OLFM2: variants seen among roughly 807,000 people sequenced by gnomAD.
OLFM2 encodes the protein olfactomedin 2, also known as noelin-2.
OLFM2 carries 20 observed loss-of-function variants against 43.9 expected under a neutral mutation model. The observed-to-expected ratio is 0.46, with a 90% CI of 0.32 to 0.66. The LOEUF (loss-of-function observed/expected upper bound fraction) is 0.66, where lower values mean the gene tolerates loss of function less well. Ranked by LOEUF, OLFM2 falls within the 30% of genes least tolerant of loss-of-function variation. The pLI, the probability that OLFM2 is intolerant of heterozygous loss-of-function variation, is 0.04. For missense variants in OLFM2, 416 were observed against 643.6 expected (o/e 0.65, Z 3.83); for synonymous variants, 268 against 278.6 (o/e 0.96, Z 0.38).
At chr19:9,864,488 A>G (rs558807621) in intron 1 of OLFM2, among the ~76,000 whole-genome samples, 10 of 152,134 alleles carry the variant, frequency 6.6e-5, no homozygotes, top group African/African-American at 2.2e-4. Context: ...TTTAGTAGAG[A>G]TAGGGTTTCA....
intron 1 of OLFM2, among the ~76,000 whole-genome samples, chr19:9,911,621 C>T (rs1283667800): frequency 6.6e-6 from 1 of 152,150 alleles, no homozygotes; most frequent in African/African-American, 2.4e-5. Flanking sequence ...CATACCTGTC[C>T]ACACATATGC....
At chr19:9,862,792 T>C (rs2046373456) in intron 1 of OLFM2, among the ~76,000 whole-genome samples, 1 of 151,880 alleles carries the variant, frequency 6.6e-6, no homozygotes. Context: ...TTAGCCAACA[T>C]GGTAAAACCC....
Position 9,924,889 on chromosome 19 carries a change from G to GAT in OLFM2, c.63+11413_63+11414dup, listed in dbSNP as rs60738328. Among the ~76,000 whole-genome samples, 356 of 147,712 alleles carry GAT rather than the reference G, an allele frequency of 2.4e-3. 4 individuals are homozygous for GAT. Among genetic ancestry groups the GAT allele is most frequent in the South Asian group, 9.5e-3 (44 of 4,650 alleles). On this transcript the variant is annotated intron_variant, in intron 1 of 5. Transcript: ENST00000264833. ...TGAATCAAAAAATAAATATATATGT[G>GAT]ATATATATATATATATGCGTGTATA...
Position 9,857,260 on chromosome 19 carries a change from T to A in OLFM2, c.580+3A>T. ...GGGGTCAGGGTCAAGGGCCAAGGCA[T>A]ACCCAGCTTCTGGGCGCAGGCGTGG... On this transcript the variant is annotated splice_donor_region_variant and intron_variant, in intron 4 of 5. Coordinates refer to ENST00000264833, the MANE Select transcript of OLFM2 (RefSeq NM_058164.4). This position sits in a 1 kb window ranked among gnomAD's most constrained non-coding sequence, Gnocchi z 5.7. 6.2e-7 allele frequency: 1 copy of A among 1,613,386 alleles called. No homozygotes were observed. Among genetic ancestry groups the A allele is most frequent in the East Asian group, 2.2e-5 (1 of 44,870 alleles).
intron 1 of OLFM2, among the ~76,000 whole-genome samples, chr19:9,907,114 C>T (rs1460963474): frequency 6.6e-6 from 1 of 152,176 alleles, no homozygotes; most frequent in East Asian, 1.9e-4. Flanking sequence ...CACCAGCATA[C>T]CCAGGGGGTC....
At chr19:9,918,354 C>G (rs924103326) in intron 1 of OLFM2, among the ~76,000 whole-genome samples, 1 of 151,960 alleles carries the variant, frequency 6.6e-6, no homozygotes, top group Admixed American at 6.6e-5. Context: ...CCGTGCCCAG[C>G]TAATTTTTTA....
intron 1 of OLFM2, among the ~76,000 whole-genome samples, chr19:9,905,985 G>A (rs2046782871): frequency 6.6e-6 from 1 of 152,142 alleles, no homozygotes; most frequent in Admixed American, 6.6e-5. Context: ...CGTCCCTTGG[G>A]TTCAGACACA....
chr19:9,927,125 T>C (rs1568388899), intron 1 of OLFM2, among the ~76,000 whole-genome samples: 1 of 151,656 alleles, frequency 6.6e-6, no homozygotes, highest in Non-Finnish European at 1.5e-5. Flanking sequence ...CTACTAAAAA[T>C]ACAAAAATTA....
intron 1 of OLFM2, among the ~76,000 whole-genome samples, chr19:9,931,285 T>C (rs983925950): frequency 9.8e-5 from 15 of 152,316 alleles, no homozygotes; most frequent in African/African-American, 3.4e-4. Context: ...GGTCTCAGTC[T>C]GTCGCCCAAG....
intron 1 of OLFM2, among the ~76,000 whole-genome samples, chr19:9,884,353 G>A (rs947606436): frequency 6.6e-5 from 10 of 151,302 alleles, no homozygotes; most frequent in African/African-American, 2.4e-4. Context: ...TGAGGCAGGC[G>A]GATCACAAGG....
In OLFM2 at chr19:9,854,236, G is replaced by C; in HGVS notation, c.1315C>G (p.Leu439Val). Residue 439 changes from leucine to valine, a missense_variant, in exon 6 of 6, where the codon CTC becomes GTC. Coordinates refer to ENST00000264833, the MANE Select transcript of OLFM2 (RefSeq NM_058164.4). This position sits in a 1 kb window ranked among gnomAD's most constrained non-coding sequence, Gnocchi z 9.5. ...LYTWNNGHQV[L>V]YNVTLFHVIS... ...ACGTGAAACAGGGTGACATTGTAGAGCACCTGGTGGCCGTTGTTCCAGGTA... is the reference window on the plus strand; with the variant it reads ...ACGTGAAACAGGGTGACATTGTAGACCACCTGGTGGCCGTTGTTCCAGGTA... 11 of 1,614,160 alleles carry C rather than the reference G, an allele frequency of 6.8e-6. No homozygotes were observed. The highest frequency in any genetic ancestry group is 9.3e-6 in the Non-Finnish European group (11 of 1,180,024).
At chr19:9,916,092 C>G (rs1383415323) in intron 1 of OLFM2, among the ~76,000 whole-genome samples, 1 of 152,172 alleles carries the variant, frequency 6.6e-6, no homozygotes, top group Non-Finnish European at 1.5e-5. Flanking sequence ...CACAGTGGCT[C>G]ATGCCTATAA....
At chr19:9,920,407 G>C (rs2086412372) in intron 1 of OLFM2, among the ~76,000 whole-genome samples, 1 of 152,044 alleles carries the variant, frequency 6.6e-6, no homozygotes, top group African/African-American at 2.4e-5. Flanking sequence ...GCATCACCCT[G>C]GTCCTGGCAA....
Position 9,854,202 on chromosome 19 carries a change from G to T in OLFM2, c.1349C>A (p.Thr450Asn). The T allele has an allele frequency of 6.2e-7, 1 of 1,614,164 alleles. No homozygotes were observed. The highest frequency in any genetic ancestry group is 8.5e-7 in the Non-Finnish European group (1 of 1,180,026). Residue 450 changes from threonine (T) to asparagine (N), a missense_variant, in exon 6 of 6, where the codon ACC (threonine) becomes AAC (asparagine). Coordinates refer to ENST00000264833, the MANE Select transcript of OLFM2 (RefSeq NM_058164.4). The surrounding 1 kb of genome is among the most constrained non-coding windows in gnomAD (Gnocchi z 9.5). ...AGCATTGGCTCAGGGGTCCCCAGAG[G>T]TGCTGATGACGTGAAACAGGGTGAC... ...YNVTLFHVIS[T>N]SGDP
intron 1 of OLFM2, among the ~76,000 whole-genome samples, chr19:9,918,791 T>TA (rs1280881291): frequency 6.6e-6 from 1 of 152,172 alleles, no homozygotes; most frequent in East Asian, 1.9e-4. Context: ...TATGATTCTA[T>TA]TTATACATAA....
At chr19:9,906,573 G>A (rs1443876741) in intron 1 of OLFM2, among the ~76,000 whole-genome samples, 1 of 152,034 alleles carries the variant, frequency 6.6e-6, no homozygotes, top group Non-Finnish European at 1.5e-5. Flanking sequence ...CCAGGCGGAG[G>A]GGCAGAGAGA....
intron 1 of OLFM2, among the ~76,000 whole-genome samples, chr19:9,933,667 T>C (rs2086498262): frequency 6.6e-6 from 1 of 150,650 alleles, no homozygotes; most frequent in Non-Finnish European, 1.5e-5. Context: ...GCAATTCTCC[T>C]GCCTCAGCCT....
At chr19:9,926,839 T>C (rs2086456408) in intron 1 of OLFM2, among the ~76,000 whole-genome samples, 1 of 151,342 alleles carries the variant, frequency 6.6e-6, no homozygotes, top group Non-Finnish European at 1.5e-5. Context: ...AAAAAAATTA[T>C]GTGGGCATGG....
intron 1 of OLFM2, among the ~76,000 whole-genome samples, chr19:9,923,297 G>A (rs781715171): frequency 2.6e-5 from 4 of 152,014 alleles, no homozygotes; most frequent in Non-Finnish European, 5.9e-5. Context: ...GCTCATGCCT[G>A]TAATCCCAGC....
Sources: gnomAD v4.1 joint callset for allele counts (sites outside exome capture counted in the v4.1 genomes callset) on GRCh38, gnomAD v4.1.1 for gene constraint, Gnocchi (gnomAD v3.1) non-coding constraint, MANE v1.5 for transcripts, NCBI Gene and HGNC (gene_info 2026-07-23, HGNC 2026-07-21) for gene names.